NACC1: variants seen among roughly 807,000 people sequenced by gnomAD.
NACC1 encodes the protein nucleus accumbens-associated protein 1.
In NACC1, 6 loss-of-function variants were observed where a neutral mutation model predicts 41.7. The observed-to-expected ratio is 0.14, with a 90% confidence interval of 0.08 to 0.28. The LOEUF is 0.28. Ranked by LOEUF, NACC1 falls within the 10% of genes least tolerant of loss-of-function variation. The pLI, the probability that NACC1 is intolerant of heterozygous loss-of-function variation, is 1.00. For missense variants in NACC1, 434 were observed against 763.7 expected (o/e 0.57, Z 5.09); for synonymous variants, 338 against 330.6 (o/e 1.02, Z -0.24).
At chr19:13,133,579 C>T (rs1234921605) in intron 1 of NACC1, among the ~76,000 whole-genome samples, 1 of 152,070 alleles carries the variant, frequency 6.6e-6, no homozygotes, top group Non-Finnish European at 1.5e-5. Context: ...CCAGGGACAT[C>T]CATGTTGTAG....
intron 1 of NACC1, among the ~76,000 whole-genome samples, chr19:13,134,818 C>G (rs2019678234): frequency 6.6e-6 from 1 of 152,192 alleles, no homozygotes; most frequent in Admixed American, 6.5e-5. Flanking sequence ...CATATATGTA[C>G]CTGGTGCTTG....
intron 1 of NACC1, among the ~76,000 whole-genome samples, chr19:13,128,659 C>T (rs1250012087): frequency 6.6e-6 from 1 of 152,196 alleles, no homozygotes; most frequent in Non-Finnish European, 1.5e-5. Context: ...AGGTCAGGCA[C>T]CCCAGTGTGT....
chr19:13,135,940 G>A lies in NACC1; in HGVS notation c.733G>A (p.Gly245Arg). ...VAAGAGQPAG[G>R]VAAAGGVVSG... The stretch of plus-strand genomic sequence containing the variant: ...TGCGGGAGCAGGGCAGCCAGCCGGT[G>A]GGGTGGCAGCAGCAGGGGGTGTGGT... Residue 245 changes from glycine to arginine, a missense_variant, in exon 2 of 6, where the codon GGG becomes AGG. Physicochemically the swap from Gly to Arg is moderately radical, Grantham distance 125. Coordinates refer to ENST00000292431, the MANE Select transcript of NACC1 (RefSeq NM_052876.4). The A allele has an allele frequency of 6.3e-7, 1 of 1,592,434 alleles. No homozygotes were observed. The highest frequency in any genetic ancestry group is 8.5e-7 in the Non-Finnish European group (1 of 1,170,822).
chr19:13,133,367 A>G lies in NACC1; in HGVS notation c.-8-1833A>G, dbSNP rs542540070. On this transcript the variant is annotated intron_variant, in intron 1 of 5. Coordinates refer to ENST00000292431, the MANE Select transcript of NACC1 (RefSeq NM_052876.4). Reference sequence around the variant, plus strand: ...TGAGACTCCATCTCAAAAAAAAAAAAGAAAAAAGAATAAACCCCACACACC... The same window carrying G: ...TGAGACTCCATCTCAAAAAAAAAAAGGAAAAAAGAATAAACCCCACACACC... Among the ~76,000 whole-genome samples, 22 of 151,192 alleles carry G rather than the reference A, an allele frequency of 1.5e-4. No individual in the cohort carries two copies. In the South Asian group the frequency reaches 3.3e-3, roughly 23 times the overall value.
At position 13,137,554 on chromosome 19, in the gene NACC1, C is replaced by T. The variant is rs2145625749; in HGVS notation, c.1303C>T (p.Arg435Cys). ...TCCCCGTCGGAAGCCCCTGGACAGC[C>T]GCGTGCTCCACGCTGTCAAGTGTGA... ...NDPRRKPLDS[R>C]VLHAVKYYCQ... is the part of the protein sequence containing the mutation. The change falls in exon 5 of 6, where the codon CGC (arginine) becomes TGC (cysteine). Residue 435 changes from arginine (R) to cysteine (C), a missense_variant. Arg to Cys is a radical substitution (Grantham distance 180). Around this residue, in one of 4 missense-constraint regions of NACC1, gnomAD observed 70 missense variants for 206.9 expected, o/e 0.34. Coordinates refer to ENST00000292431, the MANE Select transcript of NACC1 (RefSeq NM_052876.4). The surrounding 1 kb of genome is among the most constrained non-coding windows in gnomAD (Gnocchi z 6.1). The T allele has an allele frequency of 2.6e-6, 4 of 1,560,470 alleles. No homozygotes were observed. Among genetic ancestry groups the T allele is most frequent in the Non-Finnish European group, 1.7e-6 (2 of 1,151,704 alleles).
At chr19:13,119,541 G>A (rs1243330766) in intron 1 of NACC1, among the ~76,000 whole-genome samples, 3 of 152,130 alleles carry the variant, frequency 2.0e-5, no homozygotes, top group Non-Finnish European at 4.4e-5. Context: ...AGAAGCTGGT[G>A]GTTCAAGCCT....
chr19:13,127,299 C>T (rs1476485940), intron 1 of NACC1, among the ~76,000 whole-genome samples: 1 of 124,482 alleles, frequency 8.0e-6, no homozygotes, highest in Admixed American at 9.5e-5. Flanking sequence ...AGTTGGAGAC[C>T]AGCCCAGGCA....
In NACC1 at chr19:13,136,276, C is replaced by T; in HGVS notation, c.991C>T (p.Arg331Ter). 1 of 1,614,054 alleles carries T rather than the reference C, an allele frequency of 6.2e-7. No individual in the cohort carries two copies. The highest frequency in any genetic ancestry group is 8.5e-7 in the Non-Finnish European group (1 of 1,179,966). ...ALPEQVAPES[R>*]NRIRVRQDLA... is the part of the protein sequence containing the mutation. ...CCCGGAGCAGGTAGCCCCCGAGTCC[C>T]GAAATCGCATCCGGGTTCGGCAAGA... is the stretch of plus-strand genomic sequence containing the variant. Residue 331 changes from arginine (R) to a stop codon, truncating the protein, a stop_gained, in exon 3 of 6, where the codon CGA (arginine) becomes TGA (stop). Transcript: ENST00000292431. LOFTEE classifies it high-confidence loss of function. The surrounding 1 kb of genome is among the most constrained non-coding windows in gnomAD (Gnocchi z 5.5).
Position 13,139,754 on chromosome 19 carries a change from C to T in NACC1, c.*1348C>T, listed in dbSNP as rs1318334967. The T allele has an allele frequency of 6.6e-6, 1 of 152,470 alleles. No homozygotes were observed. Among genetic ancestry groups the T allele is most frequent in the Non-Finnish European group, 1.5e-5 (1 of 68,228 alleles). 9.4% of individuals were successfully genotyped at this position (152,470 alleles called of 1,614,324 possible). A position where few individuals can be genotyped will look rare whatever the true frequency, so the allele number is the denominator to read the frequency against. On this transcript the variant is annotated 3_prime_UTR_variant, in exon 6 of 6. Transcript: ENST00000292431. ...TTGCAGAATTTTCTCTTTTACCATT[C>T]CTCTCTTTTTGTTCTCGCCCAGAGT...
chr19:13,121,276 A>C lies in NACC1; in HGVS notation c.-9+2822A>C, dbSNP rs144413715. 8.9e-4 allele frequency among the ~76,000 whole-genome samples: 136 copies of C among 152,146 alleles called. 2 individuals carry two copies. In the East Asian group the frequency reaches 0.025, roughly 28 times the overall value. On this transcript the variant is annotated intron_variant, in intron 1 of 5. Transcript: ENST00000292431. ...TCACAGCTTTTCTTGAGTATGTACC[A>C]GTCTTCTTCTGAGTGCTCTAAACAT... is the stretch of plus-strand genomic sequence containing the variant.
In NACC1 at chr19:13,136,288, C is replaced by T. The variant is rs1409088491; in HGVS notation, c.1003C>T (p.Arg335Trp). 6 of 1,613,988 alleles carry T rather than the reference C, an allele frequency of 3.7e-6. No homozygotes were observed. The highest frequency in any genetic ancestry group is 1.3e-5 in the African/African-American group (1 of 74,914). Residue 335 changes from arginine to tryptophan, a missense_variant, in exon 3 of 6, where the codon CGG becomes TGG. This residue lies in a region of NACC1 where 234 missense variants were observed against 308.3 expected (regional missense o/e 0.76). Transcript: ENST00000292431. The surrounding 1 kb of genome is among the most constrained non-coding windows in gnomAD (Gnocchi z 5.5). ...AGCCCCCGAGTCCCGAAATCGCATC[C>T]GGGTTCGGCAAGACCTGGCGTCTCT... is the stretch of plus-strand genomic sequence containing the variant. ...QVAPESRNRI[R>W]VRQDLASLPA...
At chr19:13,125,176 A>G (rs1331025264) in intron 1 of NACC1, among the ~76,000 whole-genome samples, 2 of 152,002 alleles carry the variant, frequency 1.3e-5, no homozygotes, top group African/African-American at 4.8e-5. Flanking sequence ...AACAAAACAG[A>G]CTGGGCCATT....
At chr19:13,131,520 G>A (rs968199721) in intron 1 of NACC1, 3 of 152,260 alleles carry the variant, frequency 2.0e-5, no homozygotes, top group Non-Finnish European at 4.4e-5. Context: ...CATGGTGCCT[G>A]TTTCTCCTGC....
rs150547229 is a variant in NACC1, at chr19:13,137,169, C to A, written c.1121-102C>A. 1,205 of 1,142,532 alleles carry A rather than the reference C, an allele frequency of 1.1e-3. 9 individuals carry two copies. In the African/African-American group the frequency reaches 0.016, roughly 15 times the overall value. The allele number at this position is 1,142,532 out of a possible 1,614,324, so 70.8% of individuals were successfully genotyped here. A position where few individuals can be genotyped will look rare whatever the true frequency, so the allele number is the denominator to read the frequency against. ...GGTGAGTTTTCTTGGGACCCAGAGC[C>A]CAGCAGGGAGGGCCTGGGGTGTTCT... On this transcript the variant is annotated intron_variant, in intron 3 of 5. Coordinates refer to ENST00000292431, the MANE Select transcript of NACC1 (RefSeq NM_052876.4). The surrounding 1 kb of genome is among the most constrained non-coding windows in gnomAD (Gnocchi z 6.1).
At position 13,135,393 on chromosome 19, in the gene NACC1, C is replaced by A; in HGVS notation, c.186C>A (p.Ser62Arg). The A allele has an allele frequency of 6.2e-7, 1 of 1,613,502 alleles. No individual in the cohort carries two copies. Among genetic ancestry groups the A allele is most frequent in the Non-Finnish European group, 8.5e-7 (1 of 1,179,966 alleles). Residue 62 changes from serine (S) to arginine (R), a missense_variant, in exon 2 of 6, where the codon AGC becomes AGA. By Grantham distance (110) the Ser-to-Arg change is moderately radical. Transcript: ENST00000292431. ...SSYFRDLFNN[S>R]RSAVVELPAA... Reference sequence around the variant, plus strand: ...ACTTCCGGGACCTGTTCAACAACAGCCGCAGCGCCGTGGTGGAGCTGCCGG... The same window carrying A: ...ACTTCCGGGACCTGTTCAACAACAGACGCAGCGCCGTGGTGGAGCTGCCGG...
Position 13,121,483 on chromosome 19 carries a change from C to T in NACC1, c.-9+3029C>T, listed in dbSNP as rs375291762. On this transcript the variant is annotated intron_variant, in intron 1 of 5. Transcript: ENST00000292431. Reference sequence around the variant, plus strand: ...TATTTAAAAAATCTGGCCTCCTGGCCGGGCAGCAGGGAGCCCCAGCAGGTT... The same window carrying T: ...TATTTAAAAAATCTGGCCTCCTGGCTGGGCAGCAGGGAGCCCCAGCAGGTT... 9.9e-5 allele frequency among the ~76,000 whole-genome samples: 15 copies of T among 152,248 alleles called. 1 individual carries two copies. The highest frequency in any genetic ancestry group is 3.6e-4 in the African/African-American group (15 of 41,542).
At chr19:13,124,936 T>C (rs1308781142) in intron 1 of NACC1, among the ~76,000 whole-genome samples, 1 of 152,100 alleles carries the variant, frequency 6.6e-6, no homozygotes, top group African/African-American at 2.4e-5. Context: ...AATTTTAATT[T>C]GTTTTTCACC....
At chr19:13,123,957 T>C (rs920462785) in intron 1 of NACC1, among the ~76,000 whole-genome samples, 1 of 152,248 alleles carries the variant, frequency 6.6e-6, no homozygotes, top group Admixed American at 6.5e-5. Context: ...GAAGAGTAAG[T>C]TAAATGAGCC....
chr19:13,117,201 T>C (rs182938755), upstream of NACC1: 1 of 152,348 alleles, frequency 6.6e-6, no homozygotes, highest in East Asian at 1.9e-4. Context: ...TCTAACATTG[T>C]AAGCGCTCGG....
Sources: allele counts gnomAD v4.1 joint callset (sites outside exome capture counted in the v4.1 genomes callset), GRCh38; gene constraint gnomAD v4.1.1; regional missense constraint gnomAD v4.1.1; non-coding constraint Gnocchi (gnomAD v3.1); transcripts MANE v1.5; gene names NCBI Gene and HGNC (gene_info 2026-07-23, HGNC 2026-07-21).